Variants in LRRC28 observed in about 807,000 individuals in gnomAD.
LRRC28 encodes the protein leucine-rich repeat-containing protein 28.
In LRRC28, 39 loss-of-function variants were observed where a neutral mutation model predicts 45.7. That is an observed-to-expected ratio of 0.85 (90% confidence interval 0.66 to 1.12). LRRC28 has a LOEUF of 1.12. Ranked by LOEUF, LRRC28 falls within the 50% of genes most tolerant of loss-of-function variation. The probability of loss-of-function intolerance (pLI) is 0.00; values close to 1 mark genes in which losing one functional copy is unlikely to be tolerated. For synonymous variants in LRRC28, 206 were observed against 178.8 expected (o/e 1.15, Z -1.22); for missense variants, 435 against 438.5 (o/e 0.99, Z 0.07).
chr15:99,374,880 GATGATC>G (rs1359832330), intron 9 of LRRC28, among the ~76,000 whole-genome samples: 1 of 151,580 alleles, frequency 6.6e-6, no homozygotes, highest in Non-Finnish European at 1.5e-5. Flanking sequence ...TATTAGTCAA[GATGATC>G]TCGATCTCCT....
intron 9 of LRRC28, among the ~76,000 whole-genome samples, chr15:99,380,313 A>G (rs982570436): frequency 2.0e-5 from 3 of 151,734 alleles, no homozygotes; most frequent in Non-Finnish European, 2.9e-5. Flanking sequence ...GTCTCTTTTG[A>G]TCTTTGTTGG....
intron 9 of LRRC28, among the ~76,000 whole-genome samples, chr15:99,372,178 G>GA (rs935385811): frequency 2.4e-4 from 36 of 152,246 alleles, no homozygotes; most frequent in African/African-American, 8.4e-4. Flanking sequence ...CATATTTGCA[G>GA]AAAAAATCGC....
intron 5 of LRRC28, among the ~76,000 whole-genome samples, chr15:99,316,238 T>C (rs1037330802): frequency 5.3e-5 from 8 of 152,232 alleles, no homozygotes; most frequent in Admixed American, 5.2e-4. Flanking sequence ...ATATAATTTG[T>C]TATATATACT....
intron 5 of LRRC28, among the ~76,000 whole-genome samples, chr15:99,328,920 C>T (rs917246338): frequency 1.3e-5 from 2 of 151,842 alleles, no homozygotes; most frequent in African/African-American, 4.8e-5. Flanking sequence ...GACTGAGCCA[C>T]ACTGTAGATA....
At chr15:99,334,236 G>C in intron 6 of LRRC28, 107 bp downstream of exon 6, 1 of 1,268,900 alleles carries the variant, frequency 7.9e-7, no homozygotes, top group South Asian at 1.3e-5. Context: ...TTATCTTGAC[G>C]ATTGCTTCTC....
chr15:99,376,347 T>C (rs1256588364), intron 9 of LRRC28, among the ~76,000 whole-genome samples: 2 of 152,204 alleles, frequency 1.3e-5, no homozygotes. Context: ...AAGAACATAC[T>C]CTATGATTTT....
chr15:99,326,254 G>C (rs1955972212), intron 5 of LRRC28, among the ~76,000 whole-genome samples: 1 of 152,132 alleles, frequency 6.6e-6, no homozygotes, highest in South Asian at 2.1e-4. Flanking sequence ...GTTTTAAAAG[G>C]TATACTTTCT....
In LRRC28 at chr15:99,363,104, A is replaced by G. The variant is rs373036972; in HGVS notation, c.872-2A>G. 6.2e-7 allele frequency: 1 copy of G among 1,602,234 alleles called. No individual in the cohort carries two copies. The highest frequency in any genetic ancestry group is 8.5e-7 in the Non-Finnish European group (1 of 1,174,516). On this transcript the variant is annotated splice_acceptor_variant, in intron 8 of 9. Transcript: ENST00000301981. LOFTEE classifies it high-confidence loss of function. Reference sequence around the variant, plus strand: ...TGTGCGTGATTTTCTTTTGTGTTCCAGATTTGAACTTTCTGTCTCCAATCT... The same window carrying G: ...TGTGCGTGATTTTCTTTTGTGTTCCGGATTTGAACTTTCTGTCTCCAATCT...
At chr15:99,266,885 A>G (rs911983159) in intron 2 of LRRC28, among the ~76,000 whole-genome samples, 1 of 152,200 alleles carries the variant, frequency 6.6e-6, no homozygotes. Flanking sequence ...TTTATAGACA[A>G]ATAAACTAAG....
At chr15:99,260,327 T>G (rs2081159867) in intron 2 of LRRC28, among the ~76,000 whole-genome samples, 1 of 152,222 alleles carries the variant, frequency 6.6e-6, no homozygotes, top group South Asian at 2.1e-4. Context: ...TTTCTCAGCT[T>G]CAGTTTTTTA....
chr15:99,258,102 A>C, intron 2 of LRRC28: 1 of 1,582,132 alleles, frequency 6.3e-7, no homozygotes, highest in South Asian at 1.1e-5. Context: ...GAGTTGGTTA[A>C]AAACCTTGGT....
chr15:99,271,109 AGTT>A (rs1338361694), intron 2 of LRRC28, among the ~76,000 whole-genome samples: 2 of 151,900 alleles, frequency 1.3e-5, no homozygotes, highest in African/African-American at 2.4e-5. Flanking sequence ...TTTTTAATTG[AGTT>A]GTTGTTTTGT....
At chr15:99,378,143 A>G (rs951914134) in intron 9 of LRRC28, among the ~76,000 whole-genome samples, 2 of 152,120 alleles carry the variant, frequency 1.3e-5, no homozygotes, top group Non-Finnish European at 2.9e-5. Context: ...CAGTATGGCC[A>G]TTTTCATGAT....
rs1958045804 is a variant in LRRC28, at chr15:99,387,262, GTGTTAGCCGGGA to G, written c.*1163_*1174del. ...TTTTTAGTAGAGACGGGGTTTCACC[GTGTTAGCCGGGA>G]TGGTCTCGATCTCCTGACCTCGTGA... On this transcript the variant is annotated 3_prime_UTR_variant, in exon 10 of 10. Transcript: ENST00000301981. The G allele has an allele frequency of 6.6e-6, 1 of 150,764 alleles. No individual in the cohort carries two copies. The highest frequency in any genetic ancestry group is 2.0e-4 in the East Asian group (1 of 5,092). The allele number at this position is 150,764 out of a possible 1,614,324, so 9.3% of individuals were successfully genotyped here.
At chr15:99,302,791 A>G (rs1373691901) in intron 5 of LRRC28, among the ~76,000 whole-genome samples, 2 of 152,192 alleles carry the variant, frequency 1.3e-5, no homozygotes, top group African/African-American at 4.8e-5. Context: ...CTTTCCAGAA[A>G]TTTCATGTAA....
chr15:99,369,653 G>A (rs553932745), intron 9 of LRRC28, among the ~76,000 whole-genome samples: 65 of 152,322 alleles, frequency 4.3e-4, no homozygotes, highest in African/African-American at 1.6e-3. Context: ...AACTCAGAGT[G>A]TACTGATTTA....
At chr15:99,298,991 G>A (rs777886972) in intron 5 of LRRC28, among the ~76,000 whole-genome samples, 10 of 152,198 alleles carry the variant, frequency 6.6e-5, no homozygotes, top group Non-Finnish European at 1.3e-4. Flanking sequence ...TTACAGGTGT[G>A]AGCCATTTCG....
intron 3 of LRRC28, 24 bp from the exon 4 acceptor site, chr15:99,287,233 G>GTTTTTTT (rs142398124): frequency 6.4e-7 from 1 of 1,560,176 alleles, no homozygotes; most frequent in Non-Finnish European, 8.7e-7. Flanking sequence ...GATAATGGCT[G>GTTTTTTT]TTTTTTTTCT....
chr15:99,363,367 AG>A, intron 9 of LRRC28, 102 bp downstream of exon 9: 1 of 1,272,190 alleles, frequency 7.9e-7, no homozygotes, highest in Non-Finnish European at 1.1e-6. Context: ...GCAGTTTTAA[AG>A]GGGCATAACA....
Sources: allele counts gnomAD v4.1 joint callset (sites outside exome capture counted in the v4.1 genomes callset), GRCh38; gene constraint gnomAD v4.1.1; transcripts MANE v1.5; gene names NCBI Gene and HGNC (gene_info 2026-07-23, HGNC 2026-07-21).